COMMD1: variants seen among roughly 807,000 people sequenced by gnomAD.
COMMD1 encodes the protein COMM domain-containing protein 1.
COMMD1 carries 10 observed loss-of-function variants against 17.2 expected under a neutral mutation model. That is an observed-to-expected ratio of 0.58 (90% CI 0.36 to 0.99). The LOEUF is 0.99. Among genes scored for constraint, COMMD1 ranks in the 50% least tolerant of loss-of-function variants. The probability of loss-of-function intolerance (pLI) is 0.01; values close to 1 mark genes in which losing one functional copy is unlikely to be tolerated. For missense variants in COMMD1, 270 were observed against 231.8 expected (o/e 1.17, Z -1.07); for synonymous variants, 97 against 91.6 (o/e 1.06, Z -0.34).
chr2:62,016,375 A>G (rs1669449652), intron 2 of COMMD1, among the ~76,000 whole-genome samples: 1 of 150,068 alleles, frequency 6.7e-6, no homozygotes, highest in African/African-American at 2.4e-5. Context: ...TGCCTGGTTA[A>G]TTTTTTATAT....
intron 1 of COMMD1, among the ~76,000 whole-genome samples, chr2:61,925,027 C>T (rs767986496): frequency 1.1e-4 from 16 of 152,038 alleles, no homozygotes; most frequent in South Asian, 2.1e-4. Context: ...TCAAGGGTTC[C>T]GGGGGCAAGG....
intron 2 of COMMD1, among the ~76,000 whole-genome samples, chr2:62,097,821 G>C (rs1672053960): frequency 6.6e-6 from 1 of 152,046 alleles, no homozygotes; most frequent in Non-Finnish European, 1.5e-5. Context: ...CAAAGGCTCT[G>C]GTATTTTCCC....
In COMMD1 at chr2:62,005,947, A is replaced by G. The variant is rs1352349748; in HGVS notation, c.462+4965A>G. Among the ~76,000 whole-genome samples, 11 of 152,074 alleles carry G rather than the reference A, an allele frequency of 7.2e-5. No individual in the cohort carries two copies. In the South Asian group the frequency reaches 1.5e-3, roughly 20 times the overall value. ...ATAGCAAAGACTTGGAACCAACCCA[A>G]ATGTCCAACAATGATAGACTGGATT... On this transcript the variant is annotated intron_variant, in intron 2 of 2. Transcript: ENST00000311832.
At chr2:62,100,684 A>G (rs1672153945) in intron 2 of COMMD1, among the ~76,000 whole-genome samples, 1 of 152,166 alleles carries the variant, frequency 6.6e-6, no homozygotes. Context: ...GGTTAAGGTA[A>G]AAGATTGTGG....
chr2:62,102,006 TCTGA>T (rs1263226813), intron 2 of COMMD1, among the ~76,000 whole-genome samples: 1 of 152,170 alleles, frequency 6.6e-6, no homozygotes, highest in Non-Finnish European at 1.5e-5. Flanking sequence ...CTTTGGTCTT[TCTGA>T]CTACCAGCCC....
chr2:62,105,080 G>T (rs184749870), intron 2 of COMMD1, among the ~76,000 whole-genome samples: 11 of 149,354 alleles, frequency 7.4e-5, no homozygotes, highest in African/African-American at 2.7e-4. Context: ...AGCTGAGATC[G>T]CACCATTGCA....
At chr2:61,951,739 ATATC>A (rs1671060368) in intron 1 of COMMD1, among the ~76,000 whole-genome samples, 1 of 152,192 alleles carries the variant, frequency 6.6e-6, no homozygotes, top group Non-Finnish European at 1.5e-5. Flanking sequence ...GATAGCGAAC[ATATC>A]TATCACTCCC....
chr2:61,905,570 C>CAGGTTCCCCG (rs1170539619), upstream of COMMD1: 91 of 1,157,132 alleles, frequency 7.9e-5, 1 homozygote, highest in Admixed American at 2.1e-3. Flanking sequence ...GCCTTGCCTC[C>CAGGTTCCCCG]AGGTTCCCCG....
At chr2:62,005,996 C>T (rs1669101658) in intron 2 of COMMD1, among the ~76,000 whole-genome samples, 1 of 151,822 alleles carries the variant, frequency 6.6e-6, no homozygotes, top group African/African-American at 2.4e-5. Context: ...ACATACACAC[C>T]ACGGAATACT....
At chr2:62,100,160 G>T (rs937346046) in intron 2 of COMMD1, 1 of 152,008 alleles carries the variant, frequency 6.6e-6, no homozygotes, top group Non-Finnish European at 1.5e-5. Context: ...CAACCAAAAT[G>T]GGAGGTCCAG....
intron 2 of COMMD1, among the ~76,000 whole-genome samples, chr2:62,036,138 T>G (rs1310458322): frequency 6.6e-6 from 1 of 152,070 alleles, no homozygotes; most frequent in Non-Finnish European, 1.5e-5. Flanking sequence ...TTTTTTCTTC[T>G]TGAGACAACA....
intron 2 of COMMD1, among the ~76,000 whole-genome samples, chr2:62,026,119 T>TAGG (rs1669748960): frequency 6.6e-6 from 1 of 152,152 alleles, no homozygotes; most frequent in Non-Finnish European, 1.5e-5. Context: ...CAGTCAGACT[T>TAGG]TATATAAAAC....
intron 1 of COMMD1, chr2:61,918,612 G>A (rs1670107194): frequency 6.6e-6 from 1 of 152,184 alleles, no homozygotes; most frequent in South Asian, 2.1e-4. Context: ...GGTTAAAGGA[G>A]TGGCTGGGTA....
chr2:61,942,364 A>G (rs569856998), intron 1 of COMMD1, among the ~76,000 whole-genome samples: 34 of 151,646 alleles, frequency 2.2e-4, no homozygotes, highest in Non-Finnish European at 4.6e-4. Context: ...TCGGCCTCCC[A>G]AAGTGCTGGG....
intron 1 of COMMD1, among the ~76,000 whole-genome samples, chr2:61,924,664 C>T (rs745665548): frequency 6.6e-6 from 1 of 152,152 alleles, no homozygotes; most frequent in African/African-American, 2.4e-5. Context: ...CAGACCATTT[C>T]CTATTGCGAT....
intron 1 of COMMD1, among the ~76,000 whole-genome samples, chr2:61,945,919 G>A (rs1009595360): frequency 6.6e-6 from 1 of 152,160 alleles, no homozygotes; most frequent in Non-Finnish European, 1.5e-5. Flanking sequence ...GCGGGTTTTA[G>A]AGAAAATAGA....
chr2:61,980,892 T>A (rs958822066), intron 1 of COMMD1, among the ~76,000 whole-genome samples: 17 of 152,244 alleles, frequency 1.1e-4, no homozygotes, highest in African/African-American at 3.9e-4. Flanking sequence ...GATTTGCATT[T>A]CTTTGATGAT....
rs1440989384 is a variant in COMMD1, at chr2:62,041,047, C to CTGCT, written c.462+40066_462+40069dup. On this transcript the variant is annotated intron_variant, in intron 2 of 2. Transcript: ENST00000311832. Reference sequence around the variant, plus strand: ...ATTGGTCACTGTTTTCCTCTTCACACTGCTGTACTCTACCCCCAGAACATT... The same window carrying CTGCT: ...ATTGGTCACTGTTTTCCTCTTCACACTGCTTGCTGTACTCTACCCCCAGAACATT... Among the ~76,000 whole-genome samples the CTGCT allele has an allele frequency of 3.9e-5, 6 of 152,310 alleles. No homozygotes were observed. In the East Asian group the frequency reaches 1.2e-3, roughly 29 times the overall value.
chr2:61,991,602 A>T (rs552503591), intron 1 of COMMD1, among the ~76,000 whole-genome samples: 1 of 152,196 alleles, frequency 6.6e-6, no homozygotes, highest in South Asian at 2.1e-4. Flanking sequence ...CTAGGAGAGG[A>T]GGAGTATTGG....
Sources: gnomAD v4.1 joint callset for allele counts (sites outside exome capture counted in the v4.1 genomes callset) on GRCh38, gnomAD v4.1.1 for gene constraint, MANE v1.5 for transcripts, NCBI Gene and HGNC (gene_info 2026-07-23, HGNC 2026-07-21) for gene names.